PRKG1: variants seen among roughly 807,000 people sequenced by gnomAD.
PRKG1 encodes the protein cGMP-dependent protein kinase 1.
Under a neutral mutation model 88.1 loss-of-function variants are expected in PRKG1, and 35 were observed. The ratio of observed to expected loss-of-function variants is 0.40; its 90% confidence interval spans 0.30 to 0.53. The LOEUF (loss-of-function observed/expected upper bound fraction) is 0.53, where lower values mean the gene tolerates loss of function less well. Ranked by LOEUF, PRKG1 falls within the 20% of genes least tolerant of loss-of-function variation. The pLI is 0.59. For synonymous variants in PRKG1, 303 were observed against 292.5 expected, an observed-to-expected ratio of 1.04 and a Z score of -0.37; for missense variants, 540 against 839.8, an observed-to-expected ratio of 0.64 and a Z score of 4.41.
intron 3 of PRKG1, among the ~76,000 whole-genome samples, chr10:51,476,631 C>A (rs558050441): frequency 9.9e-5 from 15 of 151,892 alleles, no homozygotes; most frequent in African/African-American, 3.1e-4. Flanking sequence ...TGCTTTATTT[C>A]TAAAGTAAAA....
chr10:51,861,826 G>A (rs928649982), intron 4 of PRKG1, among the ~76,000 whole-genome samples: 15 of 152,280 alleles, frequency 9.9e-5, no homozygotes, highest in East Asian at 1.9e-4. Context: ...TTTGCCAGCC[G>A]GAAACCTTCA....
In PRKG1 at chr10:51,601,721, A is replaced by ATTTTTTTTT. The variant is rs749205610; in HGVS notation, c.592+133925_592+133933dup. ...TTTTAGAAATAAAGTGGCAGATTGA[A>ATTTTTTTTT]TTTTTTTTTTTTTTTTTTTTTTTTT... is the stretch of plus-strand genomic sequence containing the variant. On this transcript the variant is annotated intron_variant, in intron 3 of 17. Coordinates refer to ENST00000373980, the MANE Select transcript of PRKG1 (RefSeq NM_006258.4). 4.1e-4 allele frequency among the ~76,000 whole-genome samples: 18 copies of ATTTTTTTTT among 43,570 alleles called. 2 individuals are homozygous for ATTTTTTTTT. Among genetic ancestry groups the ATTTTTTTTT allele is most frequent in the Admixed American group, 7.6e-4 (2 of 2,646 alleles). 28.6% of individuals were successfully genotyped at this position (43,570 alleles called of 152,430 possible). A position where few individuals can be genotyped will look rare whatever the true frequency, so the allele number is the denominator to read the frequency against.
At chr10:51,589,801 A>G (rs1838265332) in intron 3 of PRKG1, among the ~76,000 whole-genome samples, 1 of 152,226 alleles carries the variant, frequency 6.6e-6, no homozygotes. Flanking sequence ...TAAGTGGTAA[A>G]AGTGACATTA....
At chr10:51,848,951 G>T (rs1470554083) in intron 4 of PRKG1, among the ~76,000 whole-genome samples, 1 of 151,080 alleles carries the variant, frequency 6.6e-6, no homozygotes, top group East Asian at 1.9e-4. Context: ...TTGATGTCAT[G>T]ATATCATTTT....
chr10:51,184,794 G>A (rs541649498), intron 2 of PRKG1, among the ~76,000 whole-genome samples: 1 of 151,938 alleles, frequency 6.6e-6, no homozygotes, highest in African/African-American at 2.4e-5. Flanking sequence ...CATCTTTTTT[G>A]AACGTCAACA....
At position 52,150,171 on chromosome 10, in the gene PRKG1, A is replaced by ATTATTATTATT. The variant is rs1564490935; in HGVS notation, c.1002-11718_1002-11717insTTATTATTATT. ...TCAAAATAATAATAATAATAATAAT[A>ATTATTATTATT]ATAATAATAATAATTTGATTGGCCA... On this transcript the variant is annotated intron_variant, in intron 8 of 17. Transcript: ENST00000373980. 9.3e-3 allele frequency among the ~76,000 whole-genome samples: 956 copies of ATTATTATTATT among 103,044 alleles called. 13 individuals carry two copies. The highest frequency in any genetic ancestry group is 0.035 in the South Asian group (102 of 2,920). 67.6% of individuals were successfully genotyped at this position (103,044 alleles called of 152,430 possible).
At chr10:51,857,325 CA>C (rs1840708591) in intron 4 of PRKG1, among the ~76,000 whole-genome samples, 1 of 152,138 alleles carries the variant, frequency 6.6e-6, no homozygotes, top group Non-Finnish European at 1.5e-5. Context: ...AACACGTGGA[CA>C]ACTAATTCTA....
At chr10:51,283,111 C>T (rs1258440900) in intron 2 of PRKG1, among the ~76,000 whole-genome samples, 1 of 152,064 alleles carries the variant, frequency 6.6e-6, no homozygotes, top group African/African-American at 2.4e-5. Context: ...ATATCTCTGT[C>T]CCCCAAAAGC....
intron 2 of PRKG1, among the ~76,000 whole-genome samples, chr10:51,279,423 G>T (rs954916577): frequency 3.3e-5 from 5 of 151,268 alleles, no homozygotes; most frequent in Non-Finnish European, 7.4e-5. Context: ...TAGAATTCCT[G>T]GATATCCTTG....
At chr10:52,186,302 G>T (rs1202006419) in intron 9 of PRKG1, among the ~76,000 whole-genome samples, 1 of 152,048 alleles carries the variant, frequency 6.6e-6, no homozygotes, top group Non-Finnish European at 1.5e-5. Context: ...GAGCATCCCA[G>T]ACTTTTAAAC....
chr10:51,887,416 T>C (rs1841599526), intron 4 of PRKG1, among the ~76,000 whole-genome samples: 2 of 152,248 alleles, frequency 1.3e-5, no homozygotes, highest in African/African-American at 2.4e-5. Context: ...ACTTTGATTC[T>C]TTTGAATATA....
At chr10:51,137,756 C>T (rs182827316) in intron 1 of PRKG1, among the ~76,000 whole-genome samples, 180 of 152,184 alleles carry the variant, frequency 1.2e-3, no homozygotes, top group African/African-American at 1.6e-3. Context: ...TATGCTATGA[C>T]GAGCTGAGTG....
chr10:52,054,595 A>G (rs753164103), intron 6 of PRKG1, 34 bp downstream of exon 6: 2 of 1,590,770 alleles, frequency 1.3e-6, no homozygotes, highest in Admixed American at 1.7e-5. Flanking sequence ...GTGATGCACT[A>G]GGGGAGCCTG....
At chr10:51,965,648 A>G (rs952526761) in intron 5 of PRKG1, among the ~76,000 whole-genome samples, 2 of 152,238 alleles carry the variant, frequency 1.3e-5, no homozygotes, top group African/African-American at 4.8e-5. Context: ...TTTCAGAAAT[A>G]GTTGCTGACA....
rs1311776090 is a variant in PRKG1 at position 51,670,737 on chromosome 10, AAAAAAAAT to A, written c.593-133844_593-133837del. 2.2e-3 allele frequency among the ~76,000 whole-genome samples: 267 copies of A among 119,362 alleles called. 1 individual carries two copies. The highest frequency in any genetic ancestry group is 8.4e-3 in the Middle Eastern group (2 of 238). The allele number at this position is 119,362 out of a possible 152,430, so 78.3% of individuals were successfully genotyped here. On this transcript the variant is annotated intron_variant, in intron 3 of 17. Coordinates refer to ENST00000373980, the MANE Select transcript of PRKG1 (RefSeq NM_006258.4). Reference sequence around the variant, plus strand: ...GGCGACAGAGCGAGACTCCGTCTCAAAAAAAAATAAATAAATAAATAAATAAATAAATA... The same window carrying A: ...GGCGACAGAGCGAGACTCCGTCTCAAAAATAAATAAATAAATAAATAAATA...
At chr10:52,076,081 G>C (rs1435948961) in intron 7 of PRKG1, among the ~76,000 whole-genome samples, 1 of 152,110 alleles carries the variant, frequency 6.6e-6, no homozygotes, top group East Asian at 1.9e-4. Context: ...TGAAACAATT[G>C]AAAATCCATC....
chr10:51,725,628 CT>C (rs59354639), intron 3 of PRKG1, among the ~76,000 whole-genome samples: 47 of 145,064 alleles, frequency 3.2e-4, no homozygotes, highest in Admixed American at 4.1e-4. Flanking sequence ...TTTTTCTTTT[CT>C]TTTTTTTTTT....
intron 9 of PRKG1, among the ~76,000 whole-genome samples, chr10:52,225,633 G>T (rs539411943): frequency 6.6e-6 from 1 of 152,268 alleles, no homozygotes; most frequent in South Asian, 2.1e-4. Context: ...TTAGGTTTAA[G>T]CCCTTAATCC....
chr10:51,458,602 C>A (rs1448924209), intron 2 of PRKG1, among the ~76,000 whole-genome samples: 1 of 152,022 alleles, frequency 6.6e-6, no homozygotes, highest in Non-Finnish European at 1.5e-5. Flanking sequence ...GTTGTAGAAA[C>A]TGAGAGCCAA....
Sources: allele counts gnomAD v4.1 joint callset (sites outside exome capture counted in the v4.1 genomes callset), GRCh38; gene constraint gnomAD v4.1.1; transcripts MANE v1.5; gene names NCBI Gene and HGNC (gene_info 2026-07-23, HGNC 2026-07-21).